TNFRSF9: variants seen among roughly 807,000 people sequenced by gnomAD.
The protein encoded by TNFRSF9 is tumor necrosis factor receptor superfamily member 9.
Under a neutral mutation model 28.8 loss-of-function variants are expected in TNFRSF9, and 16 were observed. That is an observed-to-expected ratio of 0.55 (90% CI 0.38 to 0.84). TNFRSF9 has a LOEUF of 0.84. TNFRSF9 is among the 40% of genes least tolerant of loss of function. The pLI, the probability that TNFRSF9 is intolerant of heterozygous loss-of-function variation, is 0.00. For synonymous variants in TNFRSF9, 131 were observed against 117.0 expected (o/e 1.12, Z -0.77); for missense variants, 303 against 315.0 (o/e 0.96, Z 0.29).
intron 7 of TNFRSF9, chr1:7,921,674 A>G (rs1428744638): frequency 6.6e-6 from 1 of 152,122 alleles, no homozygotes; most frequent in Admixed American, 6.6e-5. Context: ...TCTAAAAAAA[A>G]TTATAATAAT....
chr1:7,934,237 T>A (rs539318579), intron 6 of TNFRSF9, among the ~76,000 whole-genome samples: 2 of 151,264 alleles, frequency 1.3e-5, no homozygotes, highest in African/African-American at 4.9e-5. Context: ...ATTAGCCAGG[T>A]GTAGTGGTGA....
At chr1:7,927,499 C>G (rs1019340534) in intron 7 of TNFRSF9, among the ~76,000 whole-genome samples, 4 of 152,090 alleles carry the variant, frequency 2.6e-5, no homozygotes, top group Non-Finnish European at 5.9e-5. Context: ...TTTTGCCCCC[C>G]TTTGTTCAGT....
At chr1:7,938,995 A>G (rs574103791) in intron 2 of TNFRSF9, among the ~76,000 whole-genome samples, 167 bp from the exon 3 acceptor site, 12 of 152,340 alleles carry the variant, frequency 7.9e-5, no homozygotes, top group Admixed American at 7.8e-4. Flanking sequence ...CATTTGCAAG[A>G]TTATTCTTTG....
In TNFRSF9 at chr1:7,920,936, T is replaced by A. The variant is rs778402646; in HGVS notation, c.680-13A>T. ...GGTCTCATAAATGCTAAAAAAAAAA[T>A]TTTAAGATACGTATATTTTGTTGTC... On this transcript the variant is annotated splice_polypyrimidine_tract_variant and intron_variant, in intron 7 of 7. Coordinates refer to ENST00000377507, the MANE Select transcript of TNFRSF9 (RefSeq NM_001561.6). The A allele has an allele frequency of 1.1e-4, 162 of 1,519,632 alleles. No homozygotes were observed. The highest frequency in any genetic ancestry group is 4.0e-4 in the Admixed American group (23 of 57,630). 94.1% of individuals were successfully genotyped at this position (1,519,632 alleles called of 1,614,324 possible). A position where few individuals can be genotyped will look rare whatever the true frequency, so the allele number is the denominator to read the frequency against.
Position 7,935,013 on chromosome 1 carries a change from C to T in TNFRSF9, c.544G>A (p.Gly182Arg), listed in dbSNP as rs1168985588. The change falls in exon 6 of 8, where the codon GGA becomes AGA. Residue 182 changes from glycine (G) to arginine (R), a missense_variant and splice_region_variant. Physicochemically the swap from Gly to Arg is moderately radical, Grantham distance 125. Transcript: ENST00000377507. The stretch of plus-strand genomic sequence containing the variant: ...TGGCGTAAAGGCATAGCCCAGTTAC[C>T]TGGCTCTCTCGCAGGGGCAGGCGGG... ...VTPPAPAREPGHSPQIISFFL... is the reference protein window; with the variant it reads ...VTPPAPAREPRHSPQIISFFL... 2 of 1,614,080 alleles carry T rather than the reference C, an allele frequency of 1.2e-6. No homozygotes were observed.
chr1:7,928,350 G>A (rs9658015), intron 7 of TNFRSF9, among the ~76,000 whole-genome samples: 129 of 152,144 alleles, frequency 8.5e-4, no homozygotes, highest in African/African-American at 2.9e-3. Context: ...ATTATTCCTC[G>A]CAGCTTTATA....
In TNFRSF9 at chr1:7,925,139, C is replaced by A. The variant is rs569154875; in HGVS notation, c.680-4216G>T. On this transcript the variant is annotated intron_variant, in intron 7 of 7. Coordinates refer to ENST00000377507, the MANE Select transcript of TNFRSF9 (RefSeq NM_001561.6). The stretch of plus-strand genomic sequence containing the variant: ...GACCAGCCTAGCCAACATGGTGAAA[C>A]CCCATCTCTAATACAAAAATTAGCC... Among the ~76,000 whole-genome samples, 5 of 151,986 alleles carry A rather than the reference C, an allele frequency of 3.3e-5. No homozygotes were observed. The South Asian group carries it at 6.2e-4, about 19-fold the overall frequency.
At chr1:7,938,081 C>T in intron 4 of TNFRSF9, 112 bp downstream of exon 4, 1 of 949,958 alleles carries the variant, frequency 1.1e-6, no homozygotes. Flanking sequence ...CATATACTCC[C>T]TTGTTACTTT....
intron 7 of TNFRSF9, among the ~76,000 whole-genome samples, chr1:7,932,536 C>T (rs986897976): frequency 6.6e-6 from 1 of 152,124 alleles, no homozygotes; most frequent in Non-Finnish European, 1.5e-5. Context: ...CCTTCAAGCT[C>T]CCTCTTTGTT....
Position 7,937,742 on chromosome 1 carries a change from AAC to A in TNFRSF9, c.359_360del (p.Cys120LeufsTer6). The A allele has an allele frequency of 1.2e-6, 2 of 1,613,360 alleles. No individual in the cohort carries two copies. The highest frequency in any genetic ancestry group is 1.7e-6 in the Non-Finnish European group (2 of 1,179,330). ...QELTKKGCKD[C>X]CFGTFNDQKR... ...TTCTGATCGTTAAATGTCCCAAAGC[AAC>A]AGTCTTTACAACCTTGTATTAAAAA... On this transcript the variant is annotated frameshift_variant, in exon 5 of 8. Coordinates refer to ENST00000377507, the MANE Select transcript of TNFRSF9 (RefSeq NM_001561.6). LOFTEE classifies it high-confidence loss of function.
intron 7 of TNFRSF9, among the ~76,000 whole-genome samples, chr1:7,927,968 AG>A: frequency 6.6e-6 from 1 of 152,372 alleles, no homozygotes; most frequent in East Asian, 1.9e-4. Context: ...GAATCTCAAC[AG>A]TAAAACAAAC....
intron 2 of TNFRSF9, among the ~76,000 whole-genome samples, chr1:7,939,336 AC>A (rs1322760161): frequency 4.2e-5 from 6 of 142,580 alleles, no homozygotes; most frequent in African/African-American, 1.1e-4. Flanking sequence ...AAAAAAAAAA[AC>A]ATACACACAC....
Position 7,920,724 on chromosome 1 carries a change from C to G in TNFRSF9, c.*111G>C. 1 of 841,328 alleles carries G rather than the reference C, an allele frequency of 1.2e-6. No homozygotes were observed. The highest frequency in any genetic ancestry group is 2.0e-6 in the Non-Finnish European group (1 of 509,216). The allele number at this position is 841,328 out of a possible 1,614,324, so 52.1% of individuals were successfully genotyped here. Reference sequence around the variant, plus strand: ...AGAAAAGAACGTGTGTTGGGGGAATCCTGGGTATTATGTAGGATGGTGTTC... The same window carrying G: ...AGAAAAGAACGTGTGTTGGGGGAATGCTGGGTATTATGTAGGATGGTGTTC... On this transcript the variant is annotated 3_prime_UTR_variant, in exon 8 of 8. Transcript: ENST00000377507.
chr1:7,938,183 G>T lies in TNFRSF9; in HGVS notation c.346+10C>A. The T allele has an allele frequency of 6.4e-7, 1 of 1,564,316 alleles. No homozygotes were observed. Among genetic ancestry groups the T allele is most frequent in the South Asian group, 1.2e-5 (1 of 84,320 alleles). ...CAAAACTACACTAGATCAAAGAAAC[G>T]CAAACGTACCTTTTTTTGTCAGTTC... On this transcript the variant is annotated intron_variant, in intron 4 of 7. Coordinates refer to ENST00000377507, the MANE Select transcript of TNFRSF9 (RefSeq NM_001561.6).
Position 7,922,700 on chromosome 1 carries a change from T to C in TNFRSF9, c.680-1777A>G, listed in dbSNP as rs144785077. 4.6e-3 allele frequency among the ~76,000 whole-genome samples: 704 copies of C among 151,770 alleles called. 3 individuals carry two copies. The highest frequency in any genetic ancestry group is 0.016 in the African/African-American group (676 of 41,434). On this transcript the variant is annotated intron_variant, in intron 7 of 7. Coordinates refer to ENST00000377507, the MANE Select transcript of TNFRSF9 (RefSeq NM_001561.6). The stretch of plus-strand genomic sequence containing the variant: ...GGTGGCGCTCACCTGTAATCTTAGC[T>C]ATTCGGGAGTCTGAGGCAGGACAAT...
In TNFRSF9 at chr1:7,916,484, T is replaced by C. The variant is rs552916765; in HGVS notation, c.*4351A>G. 5 of 152,300 alleles carry C rather than the reference T, an allele frequency of 3.3e-5. No individual in the cohort carries two copies. The highest frequency in any genetic ancestry group is 7.4e-5 in the Non-Finnish European group (5 of 68,022). 9.4% of individuals were successfully genotyped at this position (152,300 alleles called of 1,614,324 possible). A position where few individuals can be genotyped will look rare whatever the true frequency, so the allele number is the denominator to read the frequency against. On this transcript the variant is annotated 3_prime_UTR_variant, in exon 8 of 8. Transcript: ENST00000377507. Reference sequence around the variant, plus strand: ...CTTTCTTCACAGAATAAACTGTGGATTTTCGGTGTGTAACCTAGGACACAT... The same window carrying C: ...CTTTCTTCACAGAATAAACTGTGGACTTTCGGTGTGTAACCTAGGACACAT...
chr1:7,938,649 T>G, intron 3 of TNFRSF9, 72 bp downstream of exon 3: 1 of 1,274,616 alleles, frequency 7.8e-7, no homozygotes, highest in Non-Finnish European at 1.1e-6. Flanking sequence ...AAGAGAGCAG[T>G]TAGTAAATGG....
intron 4 of TNFRSF9, 124 bp downstream of exon 4, chr1:7,938,069 A>G: frequency 1.3e-6 from 1 of 772,398 alleles, no homozygotes; most frequent in Non-Finnish European, 1.9e-6. Context: ...AATATGATAT[A>G]TCATATACTC....
rs765127482 is a variant in TNFRSF9 at position 7,938,266 on chromosome 1, C to T, written c.273G>A (p.Gly91=). ...TGCATCCTGCCCCCAGGCAGTGAAA[C>T]CCTGGAGTGCAGTCACACTCTGCAT... The part of the protein sequence containing the change: ...TSNAECDCTP[G]FHCLGAGCSM... The change falls in exon 4 of 8, where the codon GGG becomes GGA. Residue 91 remains glycine, a synonymous_variant. Transcript: ENST00000377507. The T allele has an allele frequency of 1.2e-6, 2 of 1,609,212 alleles. No individual in the cohort carries two copies. Among genetic ancestry groups the T allele is most frequent in the South Asian group, 1.1e-5 (1 of 90,382 alleles).
Sources: gnomAD v4.1 joint callset for allele counts (sites outside exome capture counted in the v4.1 genomes callset) on GRCh38, gnomAD v4.1.1 for gene constraint, MANE v1.5 for transcripts, NCBI Gene and HGNC (gene_info 2026-07-23, HGNC 2026-07-21) for gene names.